Variants in GATAD1 observed in about 807,000 individuals in gnomAD.
The protein encoded by GATAD1 is GATA zinc finger domain-containing protein 1.
In GATAD1, 12 loss-of-function variants were observed where a neutral mutation model predicts 26.5. The observed-to-expected ratio is 0.45, with a 90% CI of 0.29 to 0.73. The LOEUF is 0.73. Ranked by LOEUF, GATAD1 falls within the 30% of genes least tolerant of loss-of-function variation. The probability of loss-of-function intolerance (pLI) is 0.10; values close to 1 mark genes in which losing one functional copy is unlikely to be tolerated. For synonymous variants in GATAD1, 129 were observed against 133.1 expected, an observed-to-expected ratio of 0.97 and a Z score of 0.21; for missense variants, 266 against 342.1, an observed-to-expected ratio of 0.78 and a Z score of 1.75.
At chr7:92,448,120 T>A in intron 1 of GATAD1, 142 bp downstream of exon 1, 1 of 500,464 alleles carries the variant, frequency 2.0e-6, no homozygotes, top group Non-Finnish European at 3.0e-6. Context: ...CACCTCCTAC[T>A]GAGATCTTTC....
At chr7:92,489,643 A>AAT in the GATAD1 span, 3 of 1,380,756 alleles carry the variant, frequency 2.2e-6, no homozygotes, top group African/African-American at 1.4e-5. Context: ...AAGTCAAAGA[A>AAT]ATATATATCA....
the GATAD1 span, chr7:92,491,718 C>G: frequency 2.0e-6 from 1 of 506,676 alleles, no homozygotes; most frequent in East Asian, 3.6e-5. Flanking sequence ...AATTTACCAA[C>G]CATCCCCCAA....
chr7:92,483,600 A>G, the GATAD1 span, among the ~76,000 whole-genome samples: 3 of 152,270 alleles, frequency 2.0e-5, no homozygotes, highest in Non-Finnish European at 2.9e-5. Flanking sequence ...CAGATGGGCC[A>G]TGAACTGGCT....
chr7:92,449,125 G>A, intron 2 of GATAD1: 1 of 1,161,606 alleles, frequency 8.6e-7, no homozygotes, highest in Non-Finnish European at 1.1e-6. Context: ...TATAAAATAT[G>A]GGTTTAAAAG....
chr7:92,482,723 T>C, the GATAD1 span, among the ~76,000 whole-genome samples: 1 of 151,896 alleles, frequency 6.6e-6, no homozygotes, highest in African/African-American at 2.4e-5. Context: ...CCAGGAATAG[T>C]CGGGGAAGCA....
At chr7:92,465,657 G>A in the GATAD1 span, among the ~76,000 whole-genome samples, 4 of 151,960 alleles carry the variant, frequency 2.6e-5, no homozygotes, top group Non-Finnish European at 4.4e-5. Context: ...AACCTGTGTT[G>A]TTTATTAAAC....
chr7:92,449,345 G>A, intron 2 of GATAD1: 1 of 923,078 alleles, frequency 1.1e-6, no homozygotes, highest in Non-Finnish European at 1.3e-6. Flanking sequence ...TGATGATGAT[G>A]TATTTGATGA....
chr7:92,487,694 T>G, the GATAD1 span, among the ~76,000 whole-genome samples: 3 of 152,084 alleles, frequency 2.0e-5, no homozygotes, highest in African/African-American at 7.2e-5. Flanking sequence ...TTAAAAAGAA[T>G]TCTTACAAAT....
chr7:92,463,426 C>T (rs142189107), downstream of GATAD1, among the ~76,000 whole-genome samples: 567 of 152,016 alleles, frequency 3.7e-3, 2 homozygotes, highest in African/African-American at 0.013. Context: ...CCAAGACAGG[C>T]GGATCATGAG....
chr7:92,463,866 G>T (rs1790012387), downstream of GATAD1, among the ~76,000 whole-genome samples: 1 of 151,762 alleles, frequency 6.6e-6, no homozygotes, highest in Non-Finnish European at 1.5e-5. Context: ...CTGCTGGGAG[G>T]ATGAGGCCTA....
At chr7:92,448,694 A>G (rs1278657732) in intron 1 of GATAD1, 58 bp from the exon 2 acceptor site, 1 of 1,377,994 alleles carries the variant, frequency 7.3e-7, no homozygotes, top group Non-Finnish European at 1.0e-6. Flanking sequence ...TTGTACTGCA[A>G]CCTTTATGCA....
At chr7:92,472,546 A>G in the GATAD1 span, 1 of 152,232 alleles carries the variant, frequency 6.6e-6, no homozygotes, top group East Asian at 1.9e-4. Flanking sequence ...GGCAAACTTA[A>G]CACTGGGGCT....
intron 2 of GATAD1, chr7:92,450,378 G>A (rs1789376168): frequency 3.6e-6 from 1 of 280,836 alleles, no homozygotes; most frequent in Non-Finnish European, 6.7e-6. Flanking sequence ...GTCATGCTCA[G>A]GCTATTAGAG....
chr7:92,449,621 C>A, intron 2 of GATAD1: 1 of 980,560 alleles, frequency 1.0e-6, no homozygotes, highest in Non-Finnish European at 1.2e-6. Flanking sequence ...ATATTTATTT[C>A]TAAAACACAA....
At chr7:92,489,490 T>C in the GATAD1 span, 1 of 1,371,100 alleles carries the variant, frequency 7.3e-7, no homozygotes, top group Non-Finnish European at 1.0e-6. Flanking sequence ...GGTAGTCCAG[T>C]TGTTACTTCT....
At chr7:92,449,592 G>A in intron 2 of GATAD1, 9 of 980,688 alleles carry the variant, frequency 9.2e-6, no homozygotes, top group Non-Finnish European at 9.7e-6. Flanking sequence ...TACCCGTAAA[G>A]ACGTTTCTGA....
the GATAD1 span, among the ~76,000 whole-genome samples, chr7:92,465,830 G>A: frequency 4.6e-5 from 7 of 151,564 alleles, no homozygotes; most frequent in South Asian, 2.1e-4. Flanking sequence ...GTGAAACCTC[G>A]TCTCTACTAA....
At chr7:92,489,244 T>C in the GATAD1 span, 5,627 of 1,525,720 alleles carry the variant, frequency 3.7e-3, 57 homozygotes, top group Middle Eastern at 0.036. Context: ...TGTAATACTA[T>C]GTCACTTGTA....
At chr7:92,471,246 C>T in the GATAD1 span, 1 of 167,000 alleles carries the variant, frequency 6.0e-6, no homozygotes, top group African/African-American at 2.4e-5. Context: ...AGTTGCCAGT[C>T]TTCTCCAGGG....
Sources: allele counts gnomAD v4.1 joint callset (sites outside exome capture counted in the v4.1 genomes callset), GRCh38; gene constraint gnomAD v4.1.1; transcripts MANE v1.5; gene names NCBI Gene and HGNC (gene_info 2026-07-23, HGNC 2026-07-21).